Variants in GRIA3 observed in about 807,000 individuals in gnomAD.
GRIA3 encodes the protein glutamate ionotropic receptor AMPA type subunit 3, also known as glutamate receptor 3.
A neutral mutation model predicts 63.0 loss-of-function variants in GRIA3; 3 were observed. That is an observed-to-expected ratio of 0.05 (90% CI 0.02 to 0.12). GRIA3 has a LOEUF of 0.12. Among genes scored for constraint, GRIA3 ranks in the 10% least tolerant of loss-of-function variants. GRIA3 has a pLI of 1.00. For synonymous variants in GRIA3, 274 were observed against 257.9 expected (o/e 1.06, Z -0.60); for missense variants, 347 against 700.9 (o/e 0.50, Z 5.70).
chrX:123,422,996 C>T (rs1217320706), intron 11 of GRIA3, among the ~76,000 whole-genome samples: 1 of 111,958 alleles, frequency 8.9e-6, no homozygotes, highest in Non-Finnish European at 1.9e-5. Context: ...ATTTTTAATA[C>T]GAAATTTATT....
chrX:123,464,345 G>T lies in GRIA3; in HGVS notation c.2077-520G>T, dbSNP rs768845784. On this transcript the variant is annotated intron_variant, in intron 12 of 15. Coordinates refer to ENST00000620443, the MANE Select transcript of GRIA3 (RefSeq NM_007325.5). Reference sequence around the variant, plus strand: ...AAAGTTGAAATTGTAAAAAGGAATGGGAGTTATAGAAAAACAAAGATCATC... The same window carrying T: ...AAAGTTGAAATTGTAAAAAGGAATGTGAGTTATAGAAAAACAAAGATCATC... 3.5e-4 allele frequency among the ~76,000 whole-genome samples: 39 copies of T among 111,555 alleles called. No individual in the cohort carries two copies. The Admixed American group carries it at 3.5e-3, about 10-fold the overall frequency.
At chrX:123,447,199 A>G (rs113889461) in intron 12 of GRIA3, among the ~76,000 whole-genome samples, 4,410 of 111,638 alleles carry the variant, frequency 0.04, 206 homozygotes, top group African/African-American at 0.13. Flanking sequence ...CCTGGCCAAC[A>G]TGGTGAAATC....
At chrX:123,213,051 C>G (rs1170308888) in intron 2 of GRIA3, among the ~76,000 whole-genome samples, 1 of 111,658 alleles carries the variant, frequency 9.0e-6, no homozygotes, top group African/African-American at 3.3e-5. Flanking sequence ...AATGCAAACC[C>G]TATTGTGAAC....
At chrX:123,264,758 G>T (rs2044478441) in intron 3 of GRIA3, among the ~76,000 whole-genome samples, 1 of 112,220 alleles carries the variant, frequency 8.9e-6, no homozygotes, top group African/African-American at 3.2e-5. Flanking sequence ...ATAGGCCAAG[G>T]TTGGGACGGG....
chrX:123,488,523 TACA>T lies in GRIA3; in HGVS notation c.*3-188_*3-186del, dbSNP rs2045953371. Among the ~76,000 whole-genome samples the T allele has an allele frequency of 5.4e-5, 6 of 112,056 alleles. No individual in the cohort carries two copies. The Admixed American group carries it at 5.7e-4, about 11-fold the overall frequency. ...CCTGCAACACCTGCATATTCCTTAG[TACA>T]ATACATATAGTAGAGAATGTAACCA... On this transcript the variant is annotated intron_variant, in intron 15 of 15. Coordinates refer to ENST00000620443, the MANE Select transcript of GRIA3 (RefSeq NM_007325.5).
chrX:123,472,762 G>A (rs1430494466), intron 13 of GRIA3, among the ~76,000 whole-genome samples: 1 of 112,526 alleles, frequency 8.9e-6, no homozygotes, highest in Non-Finnish European at 1.9e-5. Flanking sequence ...ACCCATGTGT[G>A]TAAGAGTTGC....
chrX:123,289,426 A>AT (rs1227015213), intron 3 of GRIA3, among the ~76,000 whole-genome samples: 12 of 102,258 alleles, frequency 1.2e-4, no homozygotes, highest in African/African-American at 4.4e-4. Flanking sequence ...AATTTAAAAA[A>AT]AATATATATA....
At chrX:123,237,955 G>T (rs777675527) in intron 2 of GRIA3, among the ~76,000 whole-genome samples, 5 of 111,818 alleles carry the variant, frequency 4.5e-5, no homozygotes, top group African/African-American at 1.6e-4. Flanking sequence ...GCTGCAAAAG[G>T]CTAAAGTAGG....
At chrX:123,472,492 A>T (rs1045151499) in intron 13 of GRIA3, among the ~76,000 whole-genome samples, 5 of 111,675 alleles carry the variant, frequency 4.5e-5, no homozygotes, top group African/African-American at 1.6e-4. Context: ...GAATCATGCC[A>T]ATTATGTATT....
At chrX:123,340,947 T>C (rs1216783946) in intron 4 of GRIA3, among the ~76,000 whole-genome samples, 1 of 112,185 alleles carries the variant, frequency 8.9e-6, no homozygotes, top group Admixed American at 9.5e-5. Context: ...GTTTATTTGT[T>C]CATTATGACC....
chrX:123,368,242 G>A (rs2045225862), intron 5 of GRIA3, among the ~76,000 whole-genome samples: 1 of 111,305 alleles, frequency 9.0e-6, no homozygotes, highest in African/African-American at 3.3e-5. Flanking sequence ...AGTGAGAATG[G>A]AACTTTCTGG....
chrX:123,340,657 A>C, intron 4 of GRIA3, among the ~76,000 whole-genome samples: 1 of 112,509 alleles, frequency 8.9e-6, no homozygotes, highest in Non-Finnish European at 1.9e-5. Context: ...ATATTTGTTG[A>C]ATTAAATAAA....
intron 2 of GRIA3, among the ~76,000 whole-genome samples, chrX:123,240,946 G>A (rs898815056): frequency 3.6e-5 from 4 of 112,037 alleles, no homozygotes; most frequent in African/African-American, 1.3e-4. Flanking sequence ...GAATGTGTGT[G>A]AAGAACCAAA....
intron 12 of GRIA3, among the ~76,000 whole-genome samples, chrX:123,446,396 G>T (rs2045703401): frequency 8.9e-6 from 1 of 111,889 alleles, no homozygotes; most frequent in Non-Finnish European, 1.9e-5. Context: ...GACCTGGATA[G>T]AAATCAGTGG....
At chrX:123,405,059 C>G (rs1026777577) in intron 10 of GRIA3, 145 bp downstream of exon 10, 1 of 513,010 alleles carries the variant, frequency 1.9e-6, no homozygotes, top group Non-Finnish European at 3.5e-6. Flanking sequence ...TCTACAGTTG[C>G]GCTCTGTAAA....
At chrX:123,241,811 A>T (rs987224485) in intron 2 of GRIA3, among the ~76,000 whole-genome samples, 1 of 111,388 alleles carries the variant, frequency 9.0e-6, no homozygotes, top group South Asian at 3.8e-4. Context: ...TTTGAAGATG[A>T]AGTAGATTGT....
intron 2 of GRIA3, among the ~76,000 whole-genome samples, chrX:123,214,306 T>G (rs755543399): frequency 6.3e-5 from 7 of 111,982 alleles, no homozygotes; most frequent in African/African-American, 1.6e-4. Flanking sequence ...ATTTAAGGTC[T>G]GTTCACATCC....
At chrX:123,298,717 C>A (rs772334390) in intron 3 of GRIA3, among the ~76,000 whole-genome samples, 1 of 111,385 alleles carries the variant, frequency 9.0e-6, no homozygotes, top group East Asian at 2.8e-4. Flanking sequence ...TTTTGTTATG[C>A]AGAAGCTCTT....
chrX:123,476,036 T>C (rs926750187), intron 13 of GRIA3, among the ~76,000 whole-genome samples: 1 of 111,588 alleles, frequency 9.0e-6, no homozygotes, highest in African/African-American at 3.3e-5. Flanking sequence ...TCATTAAACC[T>C]GAACAATAAT....
Sources: allele counts gnomAD v4.1 joint callset (sites outside exome capture counted in the v4.1 genomes callset), GRCh38; gene constraint gnomAD v4.1.1; transcripts MANE v1.5; gene names NCBI Gene and HGNC (gene_info 2026-07-23, HGNC 2026-07-21).